The following RORA variants were observed in gnomAD, a reference collection of about 807,000 sequenced individuals.
RORA encodes the protein nuclear receptor ROR-alpha.
A neutral mutation model predicts 69.5 loss-of-function variants in RORA; 7 were observed. That is an observed-to-expected ratio of 0.10 (90% CI 0.06 to 0.19). The LOEUF is 0.19. Among genes scored for constraint, RORA ranks in the 10% least tolerant of loss-of-function variants. The pLI is 1.00. For missense variants in RORA, 457 were observed against 663.0 expected (o/e 0.69, Z 3.41); for synonymous variants, 261 against 240.8 (o/e 1.08, Z -0.78).
chr15:60,683,635 C>A (rs963704713), intron 1 of RORA, among the ~76,000 whole-genome samples: 1 of 109,454 alleles, frequency 9.1e-6, no homozygotes, highest in African/African-American at 3.6e-5. Flanking sequence ...TTCTATTTTA[C>A]CCAGATACAC....
chr15:60,523,665 G>T (rs957366938), intron 3 of RORA, among the ~76,000 whole-genome samples: 7 of 152,076 alleles, frequency 4.6e-5, no homozygotes, highest in Admixed American at 4.6e-4. Context: ...AGCCCCCATT[G>T]ACTTTCTGGA....
At chr15:60,717,377 A>G (rs898361861) in intron 1 of RORA, among the ~76,000 whole-genome samples, 4 of 152,226 alleles carry the variant, frequency 2.6e-5, no homozygotes, top group African/African-American at 9.6e-5. Context: ...ACCATTCAAC[A>G]AACAGCAGCA....
intron 1 of RORA, among the ~76,000 whole-genome samples, chr15:60,743,016 A>T (rs1233175131): frequency 8.5e-4 from 89 of 105,110 alleles, no homozygotes; most frequent in East Asian, 1.3e-3. Flanking sequence ...CATTCATTCT[A>T]TTTTTTTTTT....
At chr15:60,653,430 T>C (rs1479916073) in intron 2 of RORA, among the ~76,000 whole-genome samples, 1 of 151,960 alleles carries the variant, frequency 6.6e-6, no homozygotes, top group Non-Finnish European at 1.5e-5. Context: ...GAAGACAAAG[T>C]GCACTCGTAC....
chr15:60,561,061 T>C (rs1199395823), intron 2 of RORA, among the ~76,000 whole-genome samples: 1 of 140,466 alleles, frequency 7.1e-6, no homozygotes. Context: ...CTTGTGTTTT[T>C]TTTTTTTTTG....
chr15:61,185,757 A>T (rs995385439), intron 1 of RORA, among the ~76,000 whole-genome samples: 20 of 152,254 alleles, frequency 1.3e-4, no homozygotes, highest in Middle Eastern at 3.4e-3. Flanking sequence ...TCTGCACCTC[A>T]GGCCCAGCCT....
In RORA at chr15:61,063,232, A is replaced by G. The variant is rs140441309; in HGVS notation, c.166+165821T>C. Reference sequence around the variant, plus strand: ...GGAGCTGCTGATGTTCCTAACTACAAATTCAGGCTCCACAGAAAACATGGC... The same window carrying G: ...GGAGCTGCTGATGTTCCTAACTACAGATTCAGGCTCCACAGAAAACATGGC... On this transcript the variant is annotated intron_variant, in intron 1 of 10. Transcript: ENST00000335670. Among the ~76,000 whole-genome samples the G allele has an allele frequency of 3.9e-3, 596 of 152,310 alleles. 4 individuals carry two copies. Among genetic ancestry groups the G allele is most frequent in the African/African-American group, 0.014 (573 of 41,570 alleles).
rs117470081 is a variant in RORA, at chr15:60,814,365, G to T, written c.167-135679C>A. Among the ~76,000 whole-genome samples, 1,485 of 152,302 alleles carry T rather than the reference G, an allele frequency of 9.8e-3. 77 individuals are homozygous for T. The highest frequency in any genetic ancestry group is 0.08 in the Admixed American group (1,220 of 15,282). Reference sequence around the variant, plus strand: ...GATTTTGGGTGGAAGTGGGAGAGGCGAAGGGGATCTATGGTATCTTTTTCT... The same window carrying T: ...GATTTTGGGTGGAAGTGGGAGAGGCTAAGGGGATCTATGGTATCTTTTTCT... On this transcript the variant is annotated intron_variant, in intron 1 of 10. Transcript: ENST00000335670.
chr15:60,814,197 G>A (rs1400373368), intron 1 of RORA, among the ~76,000 whole-genome samples: 1 of 148,578 alleles, frequency 6.7e-6, no homozygotes, highest in Non-Finnish European at 1.5e-5. Context: ...TTGCCCAGAA[G>A]GACTTTCTCT....
intron 1 of RORA, among the ~76,000 whole-genome samples, chr15:60,925,571 C>T (rs188512743): frequency 6.6e-6 from 1 of 152,226 alleles, no homozygotes; most frequent in East Asian, 1.9e-4. Context: ...GAATCCCCAG[C>T]GGGGCTGTCA....
At chr15:60,552,466 A>G (rs150030528) in intron 2 of RORA, among the ~76,000 whole-genome samples, 10 of 152,316 alleles carry the variant, frequency 6.6e-5, no homozygotes, top group African/African-American at 2.4e-4. Flanking sequence ...CACATTAAGA[A>G]TAAGATGTAT....
chr15:60,845,832 C>T (rs768185682), intron 1 of RORA, among the ~76,000 whole-genome samples: 1 of 152,288 alleles, frequency 6.6e-6, no homozygotes, highest in East Asian at 1.9e-4. Context: ...CTGCAACCTC[C>T]GCCTCCCGGG....
chr15:61,213,897 A>G lies in RORA; in HGVS notation c.166+15156T>C, dbSNP rs1348814940. 1 of 152,226 alleles carries G rather than the reference A, an allele frequency of 6.6e-6. No individual in the cohort carries two copies. The highest frequency in any genetic ancestry group is 1.5e-5 in the Non-Finnish European group (1 of 68,056). 9.4% of individuals were successfully genotyped at this position (152,226 alleles called of 1,614,324 possible). ...CTATTATACTGCCCTTAAACATTTGAAACTTTCGAGGAATAGATTTTCTTG... is the reference window on the plus strand; with the variant it reads ...CTATTATACTGCCCTTAAACATTTGGAACTTTCGAGGAATAGATTTTCTTG... On this transcript the variant is annotated intron_variant, in intron 1 of 10. Transcript: ENST00000335670. The surrounding 1 kb of genome is among the most constrained non-coding windows in gnomAD (Gnocchi z 4.1).
In RORA at chr15:61,229,204, C is replaced by T. The variant is rs777000968; in HGVS notation, c.15G>A (p.Pro5=). The T allele has an allele frequency of 1.3e-6, 2 of 1,504,608 alleles. No homozygotes were observed. The highest frequency in any genetic ancestry group is 1.8e-6 in the Non-Finnish European group (2 of 1,125,318). The allele number at this position is 1,504,608 out of a possible 1,614,324, so 93.2% of individuals were successfully genotyped here. A position where few individuals can be genotyped will look rare whatever the true frequency, so the allele number is the denominator to read the frequency against. The part of the protein sequence containing the change: MESA[P]AAPDPAASEP... ...CGCTGGCGGCGGGGTCGGGGGCTGC[C>T]GGAGCTGACTCCATGTTTTTTCCCA... Residue 5 remains proline, a synonymous_variant, in exon 1 of 11, where the codon CCG becomes CCA. Coordinates refer to ENST00000335670, the MANE Select transcript of RORA (RefSeq NM_134261.3).
intron 1 of RORA, among the ~76,000 whole-genome samples, chr15:61,097,916 G>T (rs1004219293): frequency 6.6e-6 from 1 of 152,204 alleles, no homozygotes; most frequent in African/African-American, 2.4e-5. Flanking sequence ...TCAAGGCAAA[G>T]AATCTTCTCA....
chr15:60,780,339 T>C (rs2072235358), intron 1 of RORA, among the ~76,000 whole-genome samples: 2 of 152,284 alleles, frequency 1.3e-5, no homozygotes, highest in South Asian at 4.2e-4. Flanking sequence ...ACTGGTGATG[T>C]GCAGACAGGC....
intron 1 of RORA, among the ~76,000 whole-genome samples, chr15:60,975,041 T>C (rs1893836912): frequency 6.6e-6 from 1 of 152,188 alleles, no homozygotes; most frequent in South Asian, 2.1e-4. Context: ...GCCCGGAATC[T>C]TTCCTGAATG....
intron 1 of RORA, among the ~76,000 whole-genome samples, chr15:60,770,338 A>G (rs2072055278): frequency 6.6e-6 from 1 of 152,152 alleles, no homozygotes; most frequent in Non-Finnish European, 1.5e-5. Flanking sequence ...TTAACTGACC[A>G]GCACATACAG....
chr15:61,010,935 T>C (rs894447088), intron 1 of RORA, among the ~76,000 whole-genome samples: 9 of 152,222 alleles, frequency 5.9e-5, no homozygotes, highest in African/African-American at 1.9e-4. Flanking sequence ...TCAGATTCCA[T>C]GCATATATAT....
Sources: gnomAD v4.1 joint callset for allele counts (sites outside exome capture counted in the v4.1 genomes callset) on GRCh38, gnomAD v4.1.1 for gene constraint, Gnocchi (gnomAD v3.1) non-coding constraint, MANE v1.5 for transcripts, NCBI Gene and HGNC (gene_info 2026-07-23, HGNC 2026-07-21) for gene names.